Variants in NAV2 observed in about 807,000 individuals in gnomAD.
The protein encoded by NAV2 is helicase, APC down-regulated 1.
A neutral mutation model predicts 223.2 loss-of-function variants in NAV2; 54 were observed. That is an observed-to-expected ratio of 0.24 (90% confidence interval 0.19 to 0.30). The LOEUF (loss-of-function observed/expected upper bound fraction) is 0.30, where lower values mean the gene tolerates loss of function less well. NAV2 is among the 10% of genes least tolerant of loss of function. The pLI is 1.00. For missense variants in NAV2, 2,806 were observed against 3,147.5 expected, an observed-to-expected ratio of 0.89 and a Z score of 2.60; for synonymous variants, 1,279 against 1,239.3, an observed-to-expected ratio of 1.03 and a Z score of -0.67.
At chr11:19,361,725 AAGAG>A (rs1427268445) in intron 1 of NAV2, among the ~76,000 whole-genome samples, 2 of 152,172 alleles carry the variant, frequency 1.3e-5, no homozygotes, top group Non-Finnish European at 2.9e-5. Flanking sequence ...TAGGACAGCA[AAGAG>A]AGAAACGGCA....
chr11:20,045,397 G>A lies in NAV2; in HGVS notation c.3629G>A (p.Ser1210Asn). 1 of 1,614,178 alleles carries A rather than the reference G, an allele frequency of 6.2e-7. No homozygotes were observed. The highest frequency in any genetic ancestry group is 8.5e-7 in the Non-Finnish European group (1 of 1,180,038). ...CGGAACGGGGCTGGGAACAGGTCTA[G>A]CACCAGCAGCATAGATTCCAACATT... ...NSRNGAGNRS[S>N]TSSIDSNISS... The change falls in exon 14 of 38, where the codon AGC (serine) becomes AAC (asparagine). Residue 1210 changes from serine to asparagine, a missense_variant. Physicochemically the swap from Ser to Asn is conservative, Grantham distance 46 (BLOSUM62 1). Transcript: ENST00000349880.
chr11:19,835,544 A>G (rs1478094630), intron 2 of NAV2, among the ~76,000 whole-genome samples: 1 of 152,082 alleles, frequency 6.6e-6, no homozygotes, highest in Non-Finnish European at 1.5e-5. Context: ...GAGGGGGGAG[A>G]AGCATCTTCT....
rs199760462 is a variant in NAV2, at chr11:19,444,788, C to T, written c.75+93761C>T. 3.3e-5 allele frequency among the ~76,000 whole-genome samples: 5 copies of T among 152,098 alleles called. No individual in the cohort carries two copies. The East Asian group carries it at 5.8e-4, about 18-fold the overall frequency. ...TAGAATAAGATCTCCCCTGAGAGGT[C>T]GTTTTCAGGCTTTTCTAGTGGTTAA... On this transcript the variant is annotated intron_variant, in intron 1 of 37. Coordinates refer to the NAV2 transcript ENST00000360655.
At chr11:19,834,693 T>A (rs968936039) in intron 2 of NAV2, among the ~76,000 whole-genome samples, 1 of 152,170 alleles carries the variant, frequency 6.6e-6, no homozygotes, top group African/African-American at 2.4e-5. Flanking sequence ...AGAGTGTTTC[T>A]ACCTGAAAAC....
At chr11:20,000,699 T>G (rs1321976813) in intron 11 of NAV2, among the ~76,000 whole-genome samples, 24 of 152,180 alleles carry the variant, frequency 1.6e-4, no homozygotes, top group Admixed American at 1.6e-3. Flanking sequence ...GGGAGGCTTC[T>G]GTACACAAGC....
At chr11:19,350,861 C>T in exon 1 of NAV2, 1 of 1,252,212 alleles carries the variant, frequency 8.0e-7, no homozygotes, top group Non-Finnish European at 1.1e-6. Flanking sequence ...CTCTGTCTGG[C>T]TGTTGCATGC....
At chr11:19,555,447 G>T (rs113099157) in intron 1 of NAV2, among the ~76,000 whole-genome samples, 3 of 135,132 alleles carry the variant, frequency 2.2e-5, no homozygotes, top group Non-Finnish European at 4.4e-5. Context: ...TCCCAGACCT[G>T]GGGGGGGCTC....
At position 19,568,472 on chromosome 11, in the gene NAV2, A is replaced by T. The variant is rs182809469; in HGVS notation, c.75+217445A>T. ...GTCTGGAGCCCAGTTCTGGATTGTG[A>T]TTGTGAGTTCTGGATGTCCAAGCTG... On this transcript the variant is annotated intron_variant, in intron 1 of 37. Transcript: ENST00000360655. Among the ~76,000 whole-genome samples the T allele has an allele frequency of 2.1e-3, 319 of 152,182 alleles. 2 individuals carry two copies. Among genetic ancestry groups the T allele is most frequent in the African/African-American group, 7.2e-3 (297 of 41,532 alleles).
chr11:20,085,914 G>A (rs2060408543), intron 26 of NAV2, among the ~76,000 whole-genome samples: 1 of 152,218 alleles, frequency 6.6e-6, no homozygotes, highest in African/African-American at 2.4e-5. Flanking sequence ...AAGAAGTGAA[G>A]GAGGAAATGG....
intron 4 of NAV2, among the ~76,000 whole-genome samples, chr11:19,872,217 A>C (rs971677326): frequency 4.6e-5 from 7 of 152,320 alleles, no homozygotes; most frequent in African/African-American, 1.7e-4. Flanking sequence ...TTACAGGGAT[A>C]GATTTATTGA....
chr11:19,919,904 CAGG>C, intron 6 of NAV2, among the ~76,000 whole-genome samples: 1 of 152,204 alleles, frequency 6.6e-6, no homozygotes, highest in Non-Finnish European at 1.5e-5. Flanking sequence ...GAGGCCAAGA[CAGG>C]AGGATTACTC....
intron 1 of NAV2, among the ~76,000 whole-genome samples, chr11:19,467,601 T>C (rs1852414357): frequency 6.6e-6 from 1 of 152,252 alleles, no homozygotes; most frequent in Admixed American, 6.5e-5. Context: ...AGGTAACTGA[T>C]GCCCAGTGTT....
intron 1 of NAV2, among the ~76,000 whole-genome samples, chr11:19,363,434 A>G (rs1483338951): frequency 6.6e-6 from 1 of 152,110 alleles, no homozygotes; most frequent in East Asian, 1.9e-4. Flanking sequence ...TCCTCATTTT[A>G]CAGGTGAGAA....
intron 1 of NAV2, among the ~76,000 whole-genome samples, chr11:19,577,096 C>T (rs191435811): frequency 3.3e-5 from 5 of 152,330 alleles, no homozygotes; most frequent in East Asian, 1.9e-4. Flanking sequence ...CCTGAATGAC[C>T]GGAATAATGC....
In NAV2 at chr11:19,417,493, G is replaced by A. The variant is rs1393745258; in HGVS notation, c.75+66466G>A. 2.0e-5 allele frequency among the ~76,000 whole-genome samples: 3 copies of A among 152,216 alleles called. No individual in the cohort carries two copies. The East Asian group carries it at 5.8e-4, about 29-fold the overall frequency. ...GAAATAGGAACACTTTTACACTGTTGGTGGGATTGTAAATTAGTTCAATCA... is the reference window on the plus strand; with the variant it reads ...GAAATAGGAACACTTTTACACTGTTAGTGGGATTGTAAATTAGTTCAATCA... On this transcript the variant is annotated intron_variant, in intron 1 of 37. Coordinates refer to the NAV2 transcript ENST00000360655.
rs1590084604 is a variant in NAV2, at chr11:19,683,487, C to G, written c.76-148997C>G. Among the ~76,000 whole-genome samples, 10 of 152,334 alleles carry G rather than the reference C, an allele frequency of 6.6e-5. No individual in the cohort carries two copies. In the South Asian group the frequency reaches 1.9e-3, roughly 28 times the overall value. On this transcript the variant is annotated intron_variant, in intron 1 of 37. Transcript: ENST00000360655. ...CATATTGTACTGAGCTCAGCCAAAT[C>G]CCCTATGCTGGCATTACTGGTAGAG...
At chr11:19,929,574 G>A (rs2045127077) in intron 6 of NAV2, among the ~76,000 whole-genome samples, 1 of 152,092 alleles carries the variant, frequency 6.6e-6, no homozygotes, top group Non-Finnish European at 1.5e-5. Flanking sequence ...GCCTTGAAAT[G>A]CCCCCATGAC....
chr11:19,477,421 C>T (rs1486007698), intron 1 of NAV2, among the ~76,000 whole-genome samples: 1 of 152,188 alleles, frequency 6.6e-6, no homozygotes, highest in African/African-American at 2.4e-5. Flanking sequence ...GGGATTACTG[C>T]CCTCTGAGGT....
At chr11:20,091,466 C>T (rs1399438864) in intron 27 of NAV2, among the ~76,000 whole-genome samples, 1 of 152,198 alleles carries the variant, frequency 6.6e-6, no homozygotes, top group Non-Finnish European at 1.5e-5. Context: ...AAGTTAGACC[C>T]TTCCCTTAAT....
Sources: gnomAD v4.1 joint callset for allele counts (sites outside exome capture counted in the v4.1 genomes callset) on GRCh38, gnomAD v4.1.1 for gene constraint, MANE v1.5 for transcripts, NCBI Gene and HGNC (gene_info 2026-07-23, HGNC 2026-07-21) for gene names.